Variants in GFPT2 observed in about 807,000 individuals in gnomAD.
GFPT2 encodes glutamine--fructose-6-phosphate aminotransferase [isomerizing] 2.
GFPT2 carries 62 observed loss-of-function variants against 85.6 expected under a neutral mutation model. The ratio of observed to expected loss-of-function variants is 0.72; its 90% CI spans 0.59 to 0.90. GFPT2 has a LOEUF of 0.90. Among genes scored for constraint, GFPT2 ranks in the 40% least tolerant of loss-of-function variants. The probability of loss-of-function intolerance (pLI) is 0.00; values close to 1 mark genes in which losing one functional copy is unlikely to be tolerated. For missense variants in GFPT2, 788 were observed against 893.4 expected (o/e 0.88, Z 1.50); for synonymous variants, 368 against 344.5 (o/e 1.07, Z -0.75).
intron 4 of GFPT2, among the ~76,000 whole-genome samples, chr5:180,333,865 G>A (rs1192539422): frequency 6.6e-6 from 1 of 152,192 alleles, no homozygotes; most frequent in Non-Finnish European, 1.5e-5. Context: ...GGGACACAAT[G>A]AGAATCATCA....
At chr5:180,350,982 C>T (rs1764701116) in intron 1 of GFPT2, among the ~76,000 whole-genome samples, 1 of 152,232 alleles carries the variant, frequency 6.6e-6, no homozygotes, top group Admixed American at 6.5e-5. Flanking sequence ...CTTCGCAGGG[C>T]CTCAGCTTCC....
chr5:180,306,761 C>T (rs747179485), intron 16 of GFPT2, among the ~76,000 whole-genome samples: 1 of 152,162 alleles, frequency 6.6e-6, no homozygotes, highest in Non-Finnish European at 1.5e-5. Context: ...ATTCGGGTCC[C>T]CTACGTCATC....
chr5:180,319,015 G>A, intron 9 of GFPT2, 59 bp from the exon 10 acceptor site: 2 of 1,540,484 alleles, frequency 1.3e-6, no homozygotes, highest in South Asian at 1.1e-5. Flanking sequence ...CGAGGCAGCA[G>A]CCCCTTGCTG....
rs376225831 is a variant in GFPT2 at position 180,304,879 on chromosome 5, C to T, written c.1735G>A (p.Gly579Arg). 37 of 1,613,022 alleles carry T rather than the reference C, an allele frequency of 2.3e-5. No individual in the cohort carries two copies. The highest frequency in any genetic ancestry group is 5.3e-5 in the African/African-American group (4 of 74,914). Residue 579 changes from glycine (G) to arginine (R), a missense_variant, in exon 17 of 19, where the codon GGG becomes AGG. Gly to Arg is a moderately radical substitution (Grantham distance 125). Coordinates refer to ENST00000253778, the MANE Select transcript of GFPT2 (RefSeq NM_005110.4). The part of the protein sequence containing the change: ...EGILAGELKH[G>R]PLALIDKQMP... The stretch of plus-strand genomic sequence containing the variant: ...TGCTTGTCAATCAGTGCCAGGGGCC[C>T]GTGCTTCAGCTCCCCAGCCAGGATG...
At chr5:180,306,748 C>T (rs2127646490) in intron 16 of GFPT2, among the ~76,000 whole-genome samples, 1 of 152,348 alleles carries the variant, frequency 6.6e-6, no homozygotes, top group East Asian at 1.9e-4. Flanking sequence ...GGACTCAGGT[C>T]TGATTCGGGT....
At chr5:180,336,936 T>C (rs578145360) in intron 2 of GFPT2, among the ~76,000 whole-genome samples, 3 of 152,376 alleles carry the variant, frequency 2.0e-5, no homozygotes, top group East Asian at 1.9e-4. Flanking sequence ...TGATATTTCG[T>C]TGGTATCTCC....
At chr5:180,343,294 C>T (rs957519289) in intron 1 of GFPT2, among the ~76,000 whole-genome samples, 6 of 152,344 alleles carry the variant, frequency 3.9e-5, no homozygotes, top group Admixed American at 3.3e-4. Context: ...CGAGAACGTT[C>T]GGCACGCTCC....
rs200537144 is a variant in GFPT2, at chr5:180,302,434, G to A, written c.1993C>T (p.Arg665Ter). 1.9e-5 allele frequency: 30 copies of A among 1,613,506 alleles called. No individual in the cohort carries two copies. The highest frequency in any genetic ancestry group is 1.7e-4 in the Middle Eastern group (1 of 6,036). Reference sequence around the variant, plus strand: ...GTTTTTAGACGCACGTCATATCCTCGGAGAACAGCCAGGTGGAAGGACAGC... The same window carrying A: ...GTTTTTAGACGCACGTCATATCCTCAGAGAACAGCCAGGTGGAAGGACAGC... ...QLLSFHLAVL[R>*]GYDVDFPRNL... The change falls in exon 18 of 19, where the codon CGA becomes TGA. Residue 665 changes from arginine to a stop codon, truncating the protein, a stop_gained. Transcript: ENST00000253778. LOFTEE classifies it high-confidence loss of function.
At chr5:180,324,412 A>T in intron 8 of GFPT2, 107 bp from the exon 9 acceptor site, 1 of 697,862 alleles carries the variant, frequency 1.4e-6, no homozygotes, top group East Asian at 2.5e-5. Flanking sequence ...GAAATTTGCA[A>T]TTTTTAGCTT....
chr5:180,308,965 G>C (rs1433439874), intron 15 of GFPT2, among the ~76,000 whole-genome samples: 2 of 152,010 alleles, frequency 1.3e-5, no homozygotes, highest in Non-Finnish European at 2.9e-5. Flanking sequence ...GGCCACCCGG[G>C]TTCAAGTGAT....
rs755939157 is a variant in GFPT2, at chr5:180,315,434, TC to T, written c.1273+906del. Among the ~76,000 whole-genome samples, 48 of 152,308 alleles carry T rather than the reference TC, an allele frequency of 3.2e-4. No individual in the cohort carries two copies. The East Asian group carries it at 9.1e-3, about 29-fold the overall frequency. ...ACCTCGTGATCCGCCCACCTCAGCCTCCCAAAGTGCTGGGATTACAGGCGTG... is the reference window on the plus strand; with the variant it reads ...ACCTCGTGATCCGCCCACCTCAGCCTCCAAAGTGCTGGGATTACAGGCGTG... On this transcript the variant is annotated intron_variant, in intron 13 of 18. Coordinates refer to ENST00000253778, the MANE Select transcript of GFPT2 (RefSeq NM_005110.4).
At chr5:180,340,300 G>A (rs1374438137) in intron 1 of GFPT2, among the ~76,000 whole-genome samples, 33 of 150,922 alleles carry the variant, frequency 2.2e-4, no homozygotes, top group Non-Finnish European at 4.0e-4. Context: ...TCCGCCTCCC[G>A]GGTTCAAGCG....
At chr5:180,320,283 T>C (rs937535195) in intron 9 of GFPT2, among the ~76,000 whole-genome samples, 30 of 152,238 alleles carry the variant, frequency 2.0e-4, no homozygotes, top group Admixed American at 9.2e-4. Context: ...TGAGCCACCG[T>C]GCCCAGCCCA....
In GFPT2 at chr5:180,335,917, G is replaced by C; in HGVS notation, c.251C>G (p.Thr84Arg). The C allele has an allele frequency of 6.4e-7, 1 of 1,573,674 alleles. No homozygotes were observed. The highest frequency in any genetic ancestry group is 1.4e-5 in the African/African-American group (1 of 72,114). Residue 84 changes from threonine (T) to arginine (R), a missense_variant, in exon 4 of 19, where the codon ACA (threonine) becomes AGA (arginine). By Grantham distance (71) the Thr-to-Arg change is moderately conservative (BLOSUM62 -1). Coordinates refer to ENST00000253778, the MANE Select transcript of GFPT2 (RefSeq NM_005110.4). ...DSMDLKVEFE[T>R]HFGIAHTRWA... Reference sequence around the variant, plus strand: ...GCGCGTGTGGGCAATGCCGAAGTGTGTCTCAAACTCCACTTTTAAGTCCAT... The same window carrying C: ...GCGCGTGTGGGCAATGCCGAAGTGTCTCTCAAACTCCACTTTTAAGTCCAT...
chr5:180,331,682 G>A (rs1764303281), intron 4 of GFPT2, 129 bp from the exon 5 acceptor site: 1 of 695,150 alleles, frequency 1.4e-6, no homozygotes, highest in Non-Finnish European at 2.6e-6. Context: ...AGCACACTTT[G>A]TTTACAGTGA....
intron 17 of GFPT2, among the ~76,000 whole-genome samples, chr5:180,303,479 G>T (rs1157853886): frequency 2.0e-5 from 3 of 152,248 alleles, no homozygotes; most frequent in African/African-American, 4.8e-5. Context: ...CAGAAGGAAA[G>T]CTGGAGTGCC....
intron 4 of GFPT2, among the ~76,000 whole-genome samples, chr5:180,332,282 G>T (rs2127654353): frequency 6.6e-6 from 1 of 152,198 alleles, no homozygotes; most frequent in East Asian, 1.9e-4. Flanking sequence ...TGCGGTGAGG[G>T]ATGTCTGCCT....
intron 1 of GFPT2, among the ~76,000 whole-genome samples, chr5:180,342,414 T>TTG (rs1554135906): frequency 2.0e-5 from 3 of 148,124 alleles, no homozygotes; most frequent in Middle Eastern, 3.4e-3. Context: ...AATGTTTTTT[T>TTG]TTTTTTTTTT....
At chr5:180,313,390 G>C (rs1466717941) in intron 14 of GFPT2, among the ~76,000 whole-genome samples, 2 of 150,312 alleles carry the variant, frequency 1.3e-5, no homozygotes, top group Non-Finnish European at 3.0e-5. Flanking sequence ...AGGAGATCGA[G>C]ACCATCCCGG....
Sources: allele counts gnomAD v4.1 joint callset (sites outside exome capture counted in the v4.1 genomes callset), GRCh38; gene constraint gnomAD v4.1.1; transcripts MANE v1.5; gene names NCBI Gene and HGNC (gene_info 2026-07-23, HGNC 2026-07-21).